CAMTA1: variants seen among roughly 807,000 people sequenced by gnomAD.
The protein encoded by CAMTA1 is calmodulin-binding transcription activator 1.
A neutral mutation model predicts 170.9 loss-of-function variants in CAMTA1; 27 were observed. That is an observed-to-expected ratio of 0.16 (90% confidence interval 0.12 to 0.22). CAMTA1 has a LOEUF of 0.22. CAMTA1 is among the 10% of genes least tolerant of loss of function. The pLI, the probability that CAMTA1 is intolerant of heterozygous loss-of-function variation, is 1.00. For synonymous variants in CAMTA1, 833 were observed against 891.5 expected, an observed-to-expected ratio of 0.93 and a Z score of 1.17; for missense variants, 1,619 against 2,217.2, an observed-to-expected ratio of 0.73 and a Z score of 5.42.
At chr1:6,995,285 T>TTTTTCTTTTCTTTTCTTTTTTTTCTTTTC in intron 3 of CAMTA1, among the ~76,000 whole-genome samples, 1 of 140,274 alleles carries the variant, frequency 7.1e-6, no homozygotes, top group East Asian at 2.1e-4. Context: ...TAAAATCTTT[T>TTTTTCTTTTCTTTTCTTTTTTTTCTTTTC]TTTTCTTTTC....
chr1:6,953,162 C>T (rs114873190), intron 3 of CAMTA1, among the ~76,000 whole-genome samples: 2,129 of 152,300 alleles, frequency 0.014, 54 homozygotes, highest in African/African-American at 0.048. Context: ...GCATCTGTCC[C>T]GTCGTTTTCT....
intron 3 of CAMTA1, among the ~76,000 whole-genome samples, chr1:6,891,147 T>G (rs552524664): frequency 1.3e-5 from 2 of 152,280 alleles, no homozygotes; most frequent in South Asian, 4.1e-4. Flanking sequence ...CCCACCTTGA[T>G]TAGAAGGTCA....
Position 6,978,371 on chromosome 1 carries a change from C to T in CAMTA1, c.235-112933C>T, listed in dbSNP as rs140524629. Among the ~76,000 whole-genome samples the T allele has an allele frequency of 6.3e-3, 960 of 152,256 alleles. 6 individuals are homozygous for T. The highest frequency in any genetic ancestry group is 0.021 in the African/African-American group (891 of 41,536). On this transcript the variant is annotated intron_variant, in intron 3 of 22. Transcript: ENST00000303635. Reference sequence around the variant, plus strand: ...ACACCAGGCCAGGCACGGTGGCTCACGCCTGTTATCCCAGCACTTTGGGAG... The same window carrying T: ...ACACCAGGCCAGGCACGGTGGCTCATGCCTGTTATCCCAGCACTTTGGGAG...
intron 7 of CAMTA1, among the ~76,000 whole-genome samples, chr1:7,655,960 G>A (rs535979126): frequency 6.6e-6 from 1 of 152,292 alleles, no homozygotes; most frequent in South Asian, 2.1e-4. Flanking sequence ...AACTGTGTCT[G>A]GAGGTGGGGC....
At chr1:7,402,472 G>A (rs2089974711) in intron 5 of CAMTA1, among the ~76,000 whole-genome samples, 1 of 152,176 alleles carries the variant, frequency 6.6e-6, no homozygotes, top group African/African-American at 2.4e-5. Context: ...CCCAGCTTGG[G>A]GTTAGATATC....
chr1:7,532,444 C>T lies in CAMTA1; in HGVS notation c.510+64543C>T, dbSNP rs2094502975. ...CCAAGTATCTGGGACTACAGGCACA[C>T]ACCCCTGTGCCCAGCTAATTTTTAT... is the stretch of plus-strand genomic sequence containing the variant. On this transcript the variant is annotated intron_variant, in intron 6 of 22. Transcript: ENST00000303635. This position sits in a 1 kb window ranked among gnomAD's most constrained non-coding sequence, Gnocchi z 4.2. Among the ~76,000 whole-genome samples the T allele has an allele frequency of 2.0e-5, 3 of 152,064 alleles. No homozygotes were observed. Among genetic ancestry groups the T allele is most frequent in the African/African-American group, 4.8e-5 (2 of 41,340 alleles).
intron 3 of CAMTA1, among the ~76,000 whole-genome samples, chr1:7,074,049 A>G (rs892827761): frequency 3.9e-5 from 6 of 152,170 alleles, no homozygotes; most frequent in African/African-American, 1.4e-4. Flanking sequence ...TGCCTGTCTG[A>G]TTGAGGAGTG....
intron 5 of CAMTA1, among the ~76,000 whole-genome samples, chr1:7,321,092 G>C (rs549725676): frequency 4.4e-4 from 67 of 152,310 alleles, no homozygotes; most frequent in African/African-American, 1.6e-3. Flanking sequence ...GGAATTGCAG[G>C]GTCCTTTCTC....
chr1:6,872,422 T>C (rs1353500822), intron 3 of CAMTA1, among the ~76,000 whole-genome samples: 2 of 152,248 alleles, frequency 1.3e-5, no homozygotes, highest in African/African-American at 2.4e-5. Flanking sequence ...TAATTTCATT[T>C]AAGGACTAGA....
chr1:6,975,206 G>C (rs932239104), intron 3 of CAMTA1, among the ~76,000 whole-genome samples: 5 of 152,202 alleles, frequency 3.3e-5, no homozygotes, highest in Non-Finnish European at 7.3e-5. Flanking sequence ...ATCAGTGTGA[G>C]CCTTGGGGAA....
At chr1:7,052,279 C>T (rs951816653) in intron 3 of CAMTA1, among the ~76,000 whole-genome samples, 5 of 151,892 alleles carry the variant, frequency 3.3e-5, no homozygotes, top group African/African-American at 1.2e-4. Flanking sequence ...TGTTTCGTGT[C>T]GTTCTCTCCG....
intron 4 of CAMTA1, among the ~76,000 whole-genome samples, chr1:7,104,250 CACAT>C (rs376042730): frequency 0.021 from 3,104 of 147,000 alleles, 99 homozygotes; most frequent in African/African-American, 0.072. Flanking sequence ...ACACACAACA[CACAT>C]ACACACAACT....
At chr1:7,441,598 G>C (rs871009) in intron 5 of CAMTA1, 1 of 152,230 alleles carries the variant, frequency 6.6e-6, no homozygotes, top group Non-Finnish European at 1.5e-5. Context: ...CTTGAAGTCA[G>C]CTTCCCGGAA....
intron 3 of CAMTA1, among the ~76,000 whole-genome samples, chr1:7,085,918 G>A (rs923092007): frequency 1.3e-5 from 2 of 152,196 alleles, no homozygotes; most frequent in African/African-American, 4.8e-5. Flanking sequence ...GACACCAGGT[G>A]CAGCATCGCA....
At chr1:6,881,693 C>T (rs898919579) in intron 3 of CAMTA1, among the ~76,000 whole-genome samples, 22 of 152,170 alleles carry the variant, frequency 1.4e-4, no homozygotes, top group African/African-American at 5.1e-4. Flanking sequence ...CTGGGCTGGG[C>T]ATGATGGCTC....
chr1:7,763,025 A>G (rs11587479), intron 22 of CAMTA1, among the ~76,000 whole-genome samples: 1 of 152,132 alleles, frequency 6.6e-6, no homozygotes, highest in Non-Finnish European at 1.5e-5. Flanking sequence ...GAGACAGTGA[A>G]ATGTTGAAAC....
At chr1:7,747,912 T>A (rs984826580) in intron 19 of CAMTA1, 131 bp downstream of exon 19, 2 of 563,040 alleles carry the variant, frequency 3.6e-6, no homozygotes, top group African/African-American at 4.0e-5. Flanking sequence ...GGTTGTTTTT[T>A]TTTTTTTATT....
chr1:7,669,185 T>C (rs1423204182), intron 9 of CAMTA1, among the ~76,000 whole-genome samples: 1 of 152,198 alleles, frequency 6.6e-6, no homozygotes, highest in African/African-American at 2.4e-5. Flanking sequence ...TCCTGAGCTC[T>C]CTCTGCTGCC....
chr1:7,436,743 T>C (rs756851978), intron 5 of CAMTA1, among the ~76,000 whole-genome samples: 1 of 152,158 alleles, frequency 6.6e-6, no homozygotes, highest in Non-Finnish European at 1.5e-5. Context: ...CTGTCTCTTA[T>C]TAACTTGTAG....
Sources: allele counts gnomAD v4.1 joint callset (sites outside exome capture counted in the v4.1 genomes callset), GRCh38; gene constraint gnomAD v4.1.1; non-coding constraint Gnocchi (gnomAD v3.1); transcripts MANE v1.5; gene names NCBI Gene and HGNC (gene_info 2026-07-23, HGNC 2026-07-21).